The following CROCC2 variants were observed in gnomAD, a reference collection of about 807,000 sequenced individuals.
The protein encoded by CROCC2 is ciliary rootlet coiled-coil protein 2.
In CROCC2, 163 loss-of-function variants were observed where a neutral mutation model predicts 177.6. The observed-to-expected ratio is 0.92, with a 90% CI of 0.81 to 1.05. The LOEUF (loss-of-function observed/expected upper bound fraction) is 1.05. Ranked by LOEUF, CROCC2 falls within the 50% of genes least tolerant of loss-of-function variation. The pLI is 0.00. For missense variants in CROCC2, 1,929 were observed against 1,797.8 expected, an observed-to-expected ratio of 1.07 and a Z score of -1.32; for synonymous variants, 904 against 787.3, an observed-to-expected ratio of 1.15 and a Z score of -2.48.
At position 240,988,761 on chromosome 2, in the gene CROCC2, GGGA is replaced by G. The variant is rs1345899140; in HGVS notation, c.4581_4583del (p.Glu1527del). The G allele has an allele frequency of 1.0e-5, 15 of 1,496,706 alleles. No individual in the cohort carries two copies. In the East Asian group the frequency reaches 3.1e-4, roughly 31 times the overall value. The allele number at this position is 1,496,706 out of a possible 1,614,324, so 92.7% of individuals were successfully genotyped here. On this transcript the variant is annotated inframe_deletion, in exon 29 of 32. Transcript: ENST00000690015. ...CAGATGGAGCAAGAGACACTGAAGA[GGGA>G]GGAGGATGTGGCGAGGCTGGGGGCT... is the stretch of plus-strand genomic sequence containing the variant.
chr2:240,926,047 G>A (rs1448354918), intron 5 of CROCC2, among the ~76,000 whole-genome samples, 167 bp downstream of exon 5: 2 of 152,244 alleles, frequency 1.3e-5, no homozygotes, highest in Non-Finnish European at 2.9e-5. Context: ...CTTGGCCACA[G>A]CAGTCTGTGG....
intron 14 of CROCC2, among the ~76,000 whole-genome samples, chr2:240,943,130 C>T (rs1221153328): frequency 6.6e-6 from 1 of 152,110 alleles, no homozygotes; most frequent in Non-Finnish European, 1.5e-5. Flanking sequence ...ACATCAGCCT[C>T]CCGAGTAGCT....
intron 7 of CROCC2, 59 bp from the exon 8 acceptor site, chr2:240,932,259 C>A: frequency 1.5e-6 from 1 of 674,900 alleles, no homozygotes. Flanking sequence ...CCAGGGCATG[C>A]TTGGGTGCCC....
chr2:240,920,014 C>T lies in CROCC2; in HGVS notation c.261C>T (p.Ala87=). The T allele has an allele frequency of 1.4e-6, 1 of 716,728 alleles. No homozygotes were observed. Among genetic ancestry groups the T allele is most frequent in the Non-Finnish European group, 2.6e-6 (1 of 384,916 alleles). The allele number at this position is 716,728 out of a possible 1,614,324, so 44.4% of individuals were successfully genotyped here. Residue 87 remains alanine, a synonymous_variant, in exon 3 of 32, where the codon GCC becomes GCT. Transcript: ENST00000690015. ...AGVQEPTATV[A]RVQEENELLQ... ...TACAGGAGCCGACAGCCACTGTGGC[C>T]CGAGTGCAAGAGGAGAACGAGCTCC...
In CROCC2 at chr2:240,953,229, G is replaced by T. The variant is rs2059567825; in HGVS notation, c.2830-2630G>T. ...GTTCAAGACCAGTGTGGCCAACATG[G>T]TGAAACCCCGTCTCTACTAAAAAAA... is the stretch of plus-strand genomic sequence containing the variant. On this transcript the variant is annotated intron_variant, in intron 18 of 31. Coordinates refer to ENST00000690015, the MANE Select transcript of CROCC2 (RefSeq NM_001351305.2). This position sits in a 1 kb window ranked among gnomAD's most constrained non-coding sequence, Gnocchi z 4.0. Among the ~76,000 whole-genome samples the T allele has an allele frequency of 6.7e-6, 1 of 148,608 alleles. No individual in the cohort carries two copies. The highest frequency in any genetic ancestry group is 2.1e-4 in the South Asian group (1 of 4,780).
chr2:240,992,577 GAGA>G (rs757213357), intron 31 of CROCC2, among the ~76,000 whole-genome samples: 3 of 152,234 alleles, frequency 2.0e-5, no homozygotes, highest in African/African-American at 4.8e-5. Context: ...TGGCTGTGTT[GAGA>G]AGGATTCTGA....
At chr2:240,947,477 T>A (rs2106468530) in intron 15 of CROCC2, among the ~76,000 whole-genome samples, 1 of 152,274 alleles carries the variant, frequency 6.6e-6, no homozygotes, top group South Asian at 2.1e-4. Flanking sequence ...CACAGGCCAC[T>A]GAACAGGGCA....
Position 240,949,507 on chromosome 2 carries a change from GGT to G in CROCC2, c.2483-24_2483-23del. On this transcript the variant is annotated intron_variant, in intron 16 of 31. Transcript: ENST00000690015. The surrounding 1 kb of genome is among the most constrained non-coding windows in gnomAD (Gnocchi z 4.5). ...TTCAGGGGTCCACATGCCAGGCCCT[GGT>G]GCATCTCACCCATCACCCCACAGTG... 1 of 1,547,802 alleles carries G rather than the reference GGT, an allele frequency of 6.5e-7. No homozygotes were observed. The highest frequency in any genetic ancestry group is 8.7e-7 in the Non-Finnish European group (1 of 1,144,696).
rs2059418833 is a variant in CROCC2 at position 240,930,217 on chromosome 2, C to T, written c.697C>T (p.Gln233Ter). ...QPRDLLLLWR[Q>*]AVVLGTDLAE... ...CCGGGACCTCCTCCTCCTGTGGAGACAGGCCGTGGTGCTGGGGACAGACCT... is the reference window on the plus strand; with the variant it reads ...CCGGGACCTCCTCCTCCTGTGGAGATAGGCCGTGGTGCTGGGGACAGACCT... Residue 233 changes from glutamine to a stop codon, truncating the protein, a stop_gained, in exon 6 of 32, where the codon CAG (glutamine) becomes TAG (stop). Transcript: ENST00000690015. LOFTEE classifies it high-confidence loss of function. 1 of 598,312 alleles carries T rather than the reference C, an allele frequency of 1.7e-6. No homozygotes were observed. Among genetic ancestry groups the T allele is most frequent in the Non-Finnish European group, 3.1e-6 (1 of 326,220 alleles). The allele number at this position is 598,312 out of a possible 1,614,324, so 37.1% of individuals were successfully genotyped here.
rs2059613619 is a variant in CROCC2, at chr2:240,959,121, G to T, written c.2944-180G>T. ...CCGTGGATGTCTCCTCATCCCAGCA[G>T]CCTGTTTGACAGTTTAGGAAACCAA... On this transcript the variant is annotated intron_variant, in intron 19 of 31. Transcript: ENST00000690015. 1.4e-5 allele frequency: 9 copies of T among 648,896 alleles called. No individual in the cohort carries two copies. In the South Asian group the frequency reaches 1.9e-4, roughly 14 times the overall value. The allele number at this position is 648,896 out of a possible 1,614,324, so 40.2% of individuals were successfully genotyped here. A position where few individuals can be genotyped will look rare whatever the true frequency, so the allele number is the denominator to read the frequency against.
chr2:240,947,209 CA>C (rs919600014), intron 15 of CROCC2, among the ~76,000 whole-genome samples: 28 of 152,270 alleles, frequency 1.8e-4, no homozygotes, highest in Admixed American at 6.5e-5. Flanking sequence ...ACCTCTTCTC[CA>C]AATGAAAGCT....
At chr2:240,959,132 A>G (rs967085685) in intron 19 of CROCC2, 169 bp from the exon 20 acceptor site, 13 of 705,560 alleles carry the variant, frequency 1.8e-5, no homozygotes, top group Non-Finnish European at 1.8e-5. Flanking sequence ...CCTGTTTGAC[A>G]GTTTAGGAAA....
chr2:240,939,021 C>T (rs2059483563), intron 14 of CROCC2, among the ~76,000 whole-genome samples: 1 of 152,056 alleles, frequency 6.6e-6, no homozygotes, highest in South Asian at 2.1e-4. Flanking sequence ...TCTTATTGCA[C>T]TAAGACCTGC....
Position 240,935,552 on chromosome 2 carries a change from G to T in CROCC2, c.2133G>T (p.Gly711=). 2 of 1,350,256 alleles carry T rather than the reference G, an allele frequency of 1.5e-6. No individual in the cohort carries two copies. Among genetic ancestry groups the T allele is most frequent in the Middle Eastern group, 5.7e-4 (2 of 3,532 alleles). 83.6% of individuals were successfully genotyped at this position (1,350,256 alleles called of 1,614,324 possible). Residue 711 remains glycine (G), a synonymous_variant, in exon 14 of 32, where the codon GGG becomes GGT. Coordinates refer to ENST00000690015, the MANE Select transcript of CROCC2 (RefSeq NM_001351305.2). Reference sequence around the variant, plus strand: ...TGGAGGGGCAGGCAGCCCTGCTGGGGCGAGAGAAGGCCCAGCTCCAGGAGC... The same window carrying T: ...TGGAGGGGCAGGCAGCCCTGCTGGGTCGAGAGAAGGCCCAGCTCCAGGAGC... The part of the protein sequence containing the change: ...EQLEGQAALL[G]REKAQLQEQV...
chr2:240,951,682 T>A (rs904175989), intron 18 of CROCC2, among the ~76,000 whole-genome samples: 2 of 151,956 alleles, frequency 1.3e-5, no homozygotes, highest in Non-Finnish European at 2.9e-5. Context: ...CATCTGACCA[T>A]CCATCCATCC....
In CROCC2 at chr2:240,935,608, A is replaced by G. The variant is rs555519574; in HGVS notation, c.2169+20A>G. 4.9e-5 allele frequency: 67 copies of G among 1,381,372 alleles called. No homozygotes were observed. The highest frequency in any genetic ancestry group is 4.8e-4 in the African/African-American group (32 of 65,990). 85.6% of individuals were successfully genotyped at this position (1,381,372 alleles called of 1,614,324 possible). A position where few individuals can be genotyped will look rare whatever the true frequency, so the allele number is the denominator to read the frequency against. On this transcript the variant is annotated intron_variant, in intron 14 of 31. Transcript: ENST00000690015. ...GGCCAGGTGAGGACGTCTGCAGGGCATGCTGCCGCCGTCTGGGATGCGGCT... is the reference window on the plus strand; with the variant it reads ...GGCCAGGTGAGGACGTCTGCAGGGCGTGCTGCCGCCGTCTGGGATGCGGCT...
At chr2:240,951,383 C>T (rs1486417055) in intron 18 of CROCC2, among the ~76,000 whole-genome samples, 9 of 152,114 alleles carry the variant, frequency 5.9e-5, no homozygotes, top group African/African-American at 2.2e-4. Flanking sequence ...ATACACTCAT[C>T]CACCCACCTA....
At chr2:240,906,709 T>A (rs2059256287) in intron 1 of CROCC2, 118 bp downstream of exon 1, 2 of 397,680 alleles carry the variant, frequency 5.0e-6, no homozygotes, top group African/African-American at 4.1e-5. Context: ...CCCGGGGCAC[T>A]TTCCACTTGC....
chr2:240,962,683 G>A (rs762781375), intron 20 of CROCC2, among the ~76,000 whole-genome samples: 2 of 152,306 alleles, frequency 1.3e-5, no homozygotes, highest in African/African-American at 2.4e-5. Flanking sequence ...GGCATGCCCC[G>A]CTGGCTACCT....
Sources: allele counts gnomAD v4.1 joint callset (sites outside exome capture counted in the v4.1 genomes callset), GRCh38; gene constraint gnomAD v4.1.1; non-coding constraint Gnocchi (gnomAD v3.1); transcripts MANE v1.5; gene names NCBI Gene and HGNC (gene_info 2026-07-23, HGNC 2026-07-21).